Variants in CREB3L2 observed in about 807,000 individuals in gnomAD.
The protein encoded by CREB3L2 is cyclic AMP-responsive element-binding protein 3-like protein 2.
Under a neutral mutation model 57.2 loss-of-function variants are expected in CREB3L2, and 23 were observed. The ratio of observed to expected loss-of-function variants is 0.40; its 90% CI spans 0.29 to 0.57. CREB3L2 has a LOEUF of 0.57. Among genes scored for constraint, CREB3L2 ranks in the 20% least tolerant of loss-of-function variants. The pLI is 0.42. For missense variants in CREB3L2, 628 were observed against 634.7 expected (o/e 0.99, Z 0.11); for synonymous variants, 268 against 265.1 (o/e 1.01, Z -0.11).
intron 1 of CREB3L2, among the ~76,000 whole-genome samples, chr7:137,988,167 C>T (rs73729534): frequency 6.6e-6 from 1 of 152,358 alleles, no homozygotes; most frequent in African/African-American, 2.4e-5. Flanking sequence ...TCCTCCCACA[C>T]CTGTTCCTCA....
At chr7:137,969,929 T>G (rs1246626051) in intron 1 of CREB3L2, among the ~76,000 whole-genome samples, 2 of 152,254 alleles carry the variant, frequency 1.3e-5, no homozygotes, top group Non-Finnish European at 2.9e-5. Context: ...TTTTTCAAAA[T>G]AAAAAAGAAA....
intron 1 of CREB3L2, among the ~76,000 whole-genome samples, chr7:137,986,989 T>A (rs1801803210): frequency 6.6e-6 from 1 of 152,218 alleles, no homozygotes; most frequent in African/African-American, 2.4e-5. Context: ...GCTGCAGCTG[T>A]TCGCCTGGAG....
chr7:137,961,394 C>T (rs770026390), intron 1 of CREB3L2, among the ~76,000 whole-genome samples: 2 of 152,136 alleles, frequency 1.3e-5, no homozygotes, highest in Non-Finnish European at 2.9e-5. Flanking sequence ...ACAGTCAAAG[C>T]ACAGGCTGAG....
intron 1 of CREB3L2, among the ~76,000 whole-genome samples, chr7:137,934,307 A>C (rs1450280378): frequency 2.0e-5 from 3 of 152,168 alleles, no homozygotes; most frequent in Admixed American, 2.0e-4. Flanking sequence ...TCACAATACA[A>C]CTGTATGGAG....
chr7:137,996,591 C>T (rs541187170), intron 1 of CREB3L2, among the ~76,000 whole-genome samples: 1 of 152,330 alleles, frequency 6.6e-6, no homozygotes, highest in South Asian at 2.1e-4. Context: ...GAAATCATAT[C>T]ACTCTCCGGG....
At chr7:137,998,879 C>T (rs550239875) in intron 1 of CREB3L2, among the ~76,000 whole-genome samples, 2 of 152,286 alleles carry the variant, frequency 1.3e-5, no homozygotes, top group South Asian at 2.1e-4. Flanking sequence ...GGGTGGCAGG[C>T]CATGTGGTCA....
chr7:137,885,429 C>T lies in CREB3L2; in HGVS notation c.1117G>A (p.Gly373Ser). The change falls in exon 9 of 12, where the codon GGC (glycine) becomes AGC (serine). Residue 373 changes from glycine (G) to serine (S), a missense_variant. Transcript: ENST00000330387. ...ATGAGGCAGGTGCCAGTCTGCGTGCCAGCTAACTTGCAGGTTCGAGAAACC... is the reference window on the plus strand; with the variant it reads ...ATGAGGCAGGTGCCAGTCTGCGTGCTAGCTAACTTGCAGGTTCGAGAAACC... ...GKVSRTCKLA[G>S]TQTGTCLMVV... The T allele has an allele frequency of 1.2e-6, 2 of 1,614,154 alleles. No individual in the cohort carries two copies. The highest frequency in any genetic ancestry group is 1.1e-5 in the South Asian group (1 of 91,082).
chr7:137,920,132 C>CCTCCTCCCTCCATCCATGTCTTT lies in CREB3L2; in HGVS notation c.320-4143_320-4121dup, dbSNP rs368656247. Among the ~76,000 whole-genome samples, 460 of 152,290 alleles carry CCTCCTCCCTCCATCCATGTCTTT rather than the reference C, an allele frequency of 3.0e-3. 4 individuals carry two copies. Among genetic ancestry groups the CCTCCTCCCTCCATCCATGTCTTT allele is most frequent in the African/African-American group, 0.011 (444 of 41,550 alleles). On this transcript the variant is annotated intron_variant, in intron 2 of 11. Transcript: ENST00000330387. ...AGTTGCATTCCTGGCTCCAGGTCTT[C>CCTCCTCCCTCCATCCATGTCTTT]CTCCTCCCTCCATCCATGTCTTTTG...
intron 9 of CREB3L2, 102 bp downstream of exon 9, chr7:137,885,301 G>T: frequency 8.2e-7 from 1 of 1,225,694 alleles, no homozygotes; most frequent in Non-Finnish European, 1.2e-6. Context: ...CCTCCATGTG[G>T]TTTCTCCTAC....
At chr7:137,943,459 G>A (rs1800911593) in intron 1 of CREB3L2, among the ~76,000 whole-genome samples, 1 of 152,100 alleles carries the variant, frequency 6.6e-6, no homozygotes, top group African/African-American at 2.4e-5. Flanking sequence ...CAGAAAAAAT[G>A]ACTCAACTTG....
rs375880783 is a variant in CREB3L2 at position 137,913,082 on chromosome 7, G to A, written c.496-4C>T. 1.6e-5 allele frequency: 25 copies of A among 1,611,002 alleles called. No homozygotes were observed. In the African/African-American group the frequency reaches 3.2e-4, roughly 21 times the overall value. On this transcript the variant is annotated splice_region_variant and splice_polypyrimidine_tract_variant and intron_variant, in intron 3 of 11. Transcript: ENST00000330387. ...TGGTCTGGCACGAGGAATCAACCTG[G>A]AGGAAGAATTTCAAACACAATTTTT...
At chr7:137,936,227 A>T (rs1208809328) in intron 1 of CREB3L2, among the ~76,000 whole-genome samples, 2 of 152,312 alleles carry the variant, frequency 1.3e-5, no homozygotes, top group East Asian at 3.9e-4. Flanking sequence ...GCCAGAATGT[A>T]TGTCCTGTGC....
intron 8 of CREB3L2, among the ~76,000 whole-genome samples, chr7:137,899,732 C>A (rs965441969): frequency 3.9e-5 from 6 of 152,192 alleles, no homozygotes; most frequent in African/African-American, 1.4e-4. Flanking sequence ...GTGAACTGCC[C>A]CTGACTGCTA....
rs117720920 is a variant in CREB3L2, at chr7:137,881,649, C to T, written c.1487+763G>A. 1.4e-3 allele frequency among the ~76,000 whole-genome samples: 210 copies of T among 152,312 alleles called. 1 individual carries two copies. The highest frequency in any genetic ancestry group is 6.8e-3 in the East Asian group (35 of 5,178). On this transcript the variant is annotated intron_variant, in intron 11 of 11. Coordinates refer to ENST00000330387, the MANE Select transcript of CREB3L2 (RefSeq NM_194071.4). Reference sequence around the variant, plus strand: ...GAAACAAAATCTTTCCCATTTACATCGGAACGGCCTCATTTCTGGGAGGCA... The same window carrying T: ...GAAACAAAATCTTTCCCATTTACATTGGAACGGCCTCATTTCTGGGAGGCA...
Position 137,941,839 on chromosome 7 carries a change from C to T in CREB3L2, c.103-13473G>A, listed in dbSNP as rs190590236. On this transcript the variant is annotated intron_variant, in intron 1 of 11. Transcript: ENST00000330387. ...AGCTGTTTTATTGTTGTTTGTATTA[C>T]ATGCCTCGCTAAAACTGGGACAAAA... Among the ~76,000 whole-genome samples, 12 of 152,328 alleles carry T rather than the reference C, an allele frequency of 7.9e-5. No homozygotes were observed. The East Asian group carries it at 2.3e-3, about 29-fold the overall frequency.
At position 137,877,615 on chromosome 7, in the gene CREB3L2, A is replaced by T. The variant is rs923234157; in HGVS notation, c.*2861T>A. The T allele has an allele frequency of 8.8e-6, 2 of 226,250 alleles. No homozygotes were observed. Among genetic ancestry groups the T allele is most frequent in the African/African-American group, 4.4e-5 (2 of 44,964 alleles). The allele number at this position is 226,250 out of a possible 1,614,324, so 14.0% of individuals were successfully genotyped here. A position where few individuals can be genotyped will look rare whatever the true frequency, so the allele number is the denominator to read the frequency against. ...TTCACTGGTGCAATCTAAGAAAGGG[A>T]AATGGGAAACTTGTTTACATGATGA... On this transcript the variant is annotated 3_prime_UTR_variant, in exon 12 of 12. Transcript: ENST00000330387.
intron 8 of CREB3L2, among the ~76,000 whole-genome samples, chr7:137,886,131 C>A (rs576736172): frequency 6.6e-6 from 1 of 152,318 alleles, no homozygotes; most frequent in African/African-American, 2.4e-5. Flanking sequence ...TGTAAGAGAT[C>A]AATTTCTGTT....
chr7:137,908,073 C>A lies in CREB3L2; in HGVS notation c.768+179G>T, dbSNP rs879043614. ...TTGTGGTAGTAAAAGGTGAGATGTG[C>A]GGGCAGTTCCTAGAAAGTGTTCTTT... On this transcript the variant is annotated intron_variant, in intron 5 of 11. Transcript: ENST00000330387. Among the ~76,000 whole-genome samples, 3 of 152,270 alleles carry A rather than the reference C, an allele frequency of 2.0e-5. 1 individual carries two copies. The South Asian group carries it at 6.2e-4, about 32-fold the overall frequency.
At chr7:137,955,780 G>C (rs1348408186) in intron 1 of CREB3L2, among the ~76,000 whole-genome samples, 1 of 152,226 alleles carries the variant, frequency 6.6e-6, no homozygotes, top group East Asian at 1.9e-4. Context: ...TCCATTACTG[G>C]AACACTAAGC....
Sources: allele counts gnomAD v4.1 joint callset (sites outside exome capture counted in the v4.1 genomes callset), GRCh38; gene constraint gnomAD v4.1.1; transcripts MANE v1.5; gene names NCBI Gene and HGNC (gene_info 2026-07-23, HGNC 2026-07-21).